Variants in PTPN13 observed in about 807,000 individuals in gnomAD.
The protein encoded by PTPN13 is tyrosine-protein phosphatase non-receptor type 13.
PTPN13 carries 191 observed loss-of-function variants against 284.0 expected under a neutral mutation model. That is an observed-to-expected ratio of 0.67 (90% CI 0.60 to 0.76). The LOEUF (loss-of-function observed/expected upper bound fraction) is 0.76. Among genes scored for constraint, PTPN13 ranks in the 30% least tolerant of loss-of-function variants. The pLI, the probability that PTPN13 is intolerant of heterozygous loss-of-function variation, is 0.00. For missense variants in PTPN13, 2,797 were observed against 2,939.9 expected (o/e 0.95, Z 1.12); for synonymous variants, 986 against 1,022.3 (o/e 0.96, Z 0.68).
intron 2 of PTPN13, among the ~76,000 whole-genome samples, chr4:86,655,090 C>A (rs1362023662): frequency 2.0e-5 from 3 of 152,076 alleles, no homozygotes; most frequent in Non-Finnish European, 4.4e-5. Context: ...TTTCCATTTG[C>A]TTGGTAGATC....
chr4:86,767,691 A>G, intron 27 of PTPN13, 126 bp from the exon 28 acceptor site: 1 of 733,990 alleles, frequency 1.4e-6, no homozygotes, highest in Non-Finnish European at 2.0e-6. Flanking sequence ...CTCCCCCTTC[A>G]TTTGGTGGAC....
At chr4:86,645,143 T>A (rs184777508) in intron 2 of PTPN13, among the ~76,000 whole-genome samples, 130 of 152,246 alleles carry the variant, frequency 8.5e-4, no homozygotes, top group Admixed American at 1.7e-3. Context: ...TGAGCCAAGA[T>A]AGCACCACTG....
intron 2 of PTPN13, among the ~76,000 whole-genome samples, chr4:86,646,487 G>C (rs796881882): frequency 6.6e-6 from 1 of 152,002 alleles, no homozygotes; most frequent in East Asian, 1.9e-4. Flanking sequence ...TAGTAAAGAC[G>C]GGATTTTGCC....
chr4:86,812,654 G>T (rs1001272176), intron 47 of PTPN13, among the ~76,000 whole-genome samples: 3 of 152,084 alleles, frequency 2.0e-5, no homozygotes, highest in Non-Finnish European at 1.5e-5. Context: ...CAGGCAGAGG[G>T]ACCACCTGTG....
intron 23 of PTPN13, among the ~76,000 whole-genome samples, chr4:86,759,897 G>A (rs919202673): frequency 1.3e-5 from 2 of 152,080 alleles, no homozygotes; most frequent in African/African-American, 4.8e-5. Flanking sequence ...CAAAAACATT[G>A]AAGTGCTAGA....
intron 2 of PTPN13, among the ~76,000 whole-genome samples, chr4:86,637,276 C>CTG (rs1723137422): frequency 6.6e-6 from 1 of 152,038 alleles, no homozygotes; most frequent in Admixed American, 6.6e-5. Context: ...ACCATTCCTT[C>CTG]TGAAACTATT....
chr4:86,722,068 C>A, intron 9 of PTPN13, 144 bp from the exon 10 acceptor site: 1 of 679,530 alleles, frequency 1.5e-6, no homozygotes, highest in Non-Finnish European at 2.5e-6. Flanking sequence ...TCATACCATA[C>A]TGTGTAATGT....
intron 1 of PTPN13, among the ~76,000 whole-genome samples, chr4:86,628,947 G>A (rs956330714): frequency 3.3e-5 from 5 of 151,302 alleles, no homozygotes; most frequent in Admixed American, 1.3e-4. Flanking sequence ...ATTGTGAATA[G>A]TGCCGCAATA....
chr4:86,637,906 G>A (rs913629038), intron 2 of PTPN13, among the ~76,000 whole-genome samples: 4 of 151,384 alleles, frequency 2.6e-5, no homozygotes, highest in African/African-American at 7.3e-5. Flanking sequence ...GTTTGCAGAC[G>A]ACATGATTGT....
At chr4:86,762,165 G>T (rs1173603554) in intron 23 of PTPN13, among the ~76,000 whole-genome samples, 1 of 152,262 alleles carries the variant, frequency 6.6e-6, no homozygotes, top group African/African-American at 2.4e-5. Flanking sequence ...TACAGACAGG[G>T]TTTCACCATG....
At chr4:86,716,653 G>A (rs769037116) in intron 8 of PTPN13, 28 bp downstream of exon 8, 1 of 1,390,736 alleles carries the variant, frequency 7.2e-7, no homozygotes, top group Non-Finnish European at 9.9e-7. Context: ...CAAGCAAACT[G>A]TTTTTAAGAA....
intron 17 of PTPN13, among the ~76,000 whole-genome samples, chr4:86,748,215 A>G (rs1014043591): frequency 1.3e-5 from 2 of 152,242 alleles, no homozygotes; most frequent in African/African-American, 4.8e-5. Flanking sequence ...GGACTGAACA[A>G]TAGCAGAAAC....
chr4:86,768,060 T>G, intron 28 of PTPN13, 84 bp downstream of exon 28: 1 of 1,253,794 alleles, frequency 8.0e-7, no homozygotes, highest in African/African-American at 1.5e-5. Context: ...GGATTACAGT[T>G]AATGCCCTAG....
chr4:86,743,225 T>C (rs946141399), intron 16 of PTPN13, among the ~76,000 whole-genome samples: 3 of 152,206 alleles, frequency 2.0e-5, no homozygotes, highest in African/African-American at 7.2e-5. Context: ...TTCTTAGATA[T>C]TAAATCATCT....
At chr4:86,687,933 GTATT>G (rs937756262) in intron 4 of PTPN13, among the ~76,000 whole-genome samples, 8 of 152,090 alleles carry the variant, frequency 5.3e-5, no homozygotes, top group African/African-American at 1.9e-4. Context: ...TAATTTAAAA[GTATT>G]TATTAAGTAC....
Position 86,799,152 on chromosome 4 carries a change from G to A in PTPN13, c.6453G>A (p.Trp2151Ter). ...AGACTGATGATGATGAAATAACATG[G>A]GGAAATGATGAGTTGCCAATAGAGA... ...EKKTDDDEIT[W>*]GNDELPIERT... The change falls in exon 42 of 48, where the codon TGG becomes TGA. Residue 2151 changes from tryptophan (W) to a stop codon, truncating the protein, a stop_gained. Transcript: ENST00000411767. LOFTEE classifies it high-confidence loss of function. The A allele has an allele frequency of 1.3e-6, 2 of 1,594,360 alleles. No individual in the cohort carries two copies. The highest frequency in any genetic ancestry group is 2.3e-5 in the South Asian group (2 of 85,956).
chr4:86,712,718 C>T (rs536380022), intron 7 of PTPN13, among the ~76,000 whole-genome samples: 46 of 152,072 alleles, frequency 3.0e-4, no homozygotes, highest in South Asian at 1.5e-3. Flanking sequence ...ACCTCCTCCC[C>T]GAAGGTGTAT....
At chr4:86,599,224 A>G (rs1764088914) in intron 1 of PTPN13, among the ~76,000 whole-genome samples, 1 of 152,138 alleles carries the variant, frequency 6.6e-6, no homozygotes, top group Admixed American at 6.5e-5. Flanking sequence ...AGTGTAGAAA[A>G]TTTGGTTCCC....
At position 86,734,691 on chromosome 4, in the gene PTPN13, A is replaced by G. The variant is rs150668774; in HGVS notation, c.2013-46A>G. 3.1e-3 allele frequency: 4,888 copies of G among 1,575,128 alleles called. 20 individuals are homozygous for G. Among genetic ancestry groups the G allele is most frequent in the Middle Eastern group, 7.5e-3 (44 of 5,836 alleles). On this transcript the variant is annotated intron_variant, in intron 13 of 47. Coordinates refer to ENST00000411767, the MANE Select transcript of PTPN13 (RefSeq NM_080683.3). Reference sequence around the variant, plus strand: ...TGCCTATAATAAAAACCACCCCAGTATTCAAAATCAAAGGCCAAGATGTCT... The same window carrying G: ...TGCCTATAATAAAAACCACCCCAGTGTTCAAAATCAAAGGCCAAGATGTCT...
Sources: allele counts gnomAD v4.1 joint callset (sites outside exome capture counted in the v4.1 genomes callset), GRCh38; gene constraint gnomAD v4.1.1; transcripts MANE v1.5; gene names NCBI Gene and HGNC (gene_info 2026-07-23, HGNC 2026-07-21).